FOXP2: variants seen among roughly 807,000 people sequenced by gnomAD.
FOXP2 encodes the protein forkhead box P2.
FOXP2 carries 12 observed loss-of-function variants against 115.8 expected under a neutral mutation model. The ratio of observed to expected loss-of-function variants is 0.10; its 90% CI spans 0.07 to 0.17. FOXP2 has a LOEUF of 0.17. Among genes scored for constraint, FOXP2 ranks in the 10% least tolerant of loss-of-function variants. FOXP2 has a pLI of 1.00. For missense variants in FOXP2, 629 were observed against 843.5 expected (o/e 0.75, Z 3.15); for synonymous variants, 328 against 297.7 (o/e 1.10, Z -1.05).
intron 2 of FOXP2, among the ~76,000 whole-genome samples, chr7:114,356,044 A>G (rs1791610428): frequency 6.6e-6 from 1 of 152,186 alleles, no homozygotes. Context: ...AGTTATCATT[A>G]TCTTCATCGC....
At chr7:114,133,585 C>A (rs948224131) in intron 1 of FOXP2, among the ~76,000 whole-genome samples, 5 of 152,098 alleles carry the variant, frequency 3.3e-5, no homozygotes, top group Non-Finnish European at 5.9e-5. Flanking sequence ...TGTTTGTCCC[C>A]ACGAAAACTC....
At chr7:114,342,806 A>G (rs1791248913) in intron 2 of FOXP2, among the ~76,000 whole-genome samples, 1 of 151,596 alleles carries the variant, frequency 6.6e-6, no homozygotes, top group Admixed American at 6.6e-5. Flanking sequence ...TTCTAGAGAA[A>G]TGATTAATGG....
chr7:114,315,402 C>T (rs547930178), intron 2 of FOXP2, among the ~76,000 whole-genome samples: 2 of 152,218 alleles, frequency 1.3e-5, no homozygotes, highest in South Asian at 4.1e-4. Context: ...ACTTATCAGG[C>T]TCCTCGGTTT....
chr7:114,396,796 T>C (rs1400064308), intron 2 of FOXP2, among the ~76,000 whole-genome samples: 1 of 152,048 alleles, frequency 6.6e-6, no homozygotes, highest in African/African-American at 2.4e-5. Flanking sequence ...ATTTCAAGAA[T>C]ATAATGTATT....
intron 1 of FOXP2, among the ~76,000 whole-genome samples, chr7:114,133,813 C>T (rs556854660): frequency 2.0e-5 from 3 of 152,294 alleles, no homozygotes; most frequent in South Asian, 4.1e-4. Context: ...TCCTTCAGGT[C>T]TTCCTCTCTT....
chr7:114,328,338 G>A (rs1382462637), intron 2 of FOXP2, among the ~76,000 whole-genome samples: 3 of 148,280 alleles, frequency 2.0e-5, no homozygotes, highest in Non-Finnish European at 4.4e-5. Flanking sequence ...CTGGATTCAC[G>A]CCATTCTCCT....
At chr7:114,324,760 T>C (rs1364387620) in intron 2 of FOXP2, among the ~76,000 whole-genome samples, 2 of 151,904 alleles carry the variant, frequency 1.3e-5, no homozygotes, top group Admixed American at 6.5e-5. Flanking sequence ...TTAATACGTA[T>C]TACATTTTTA....
At chr7:114,267,673 G>A (rs966713551) in intron 1 of FOXP2, among the ~76,000 whole-genome samples, 1 of 151,202 alleles carries the variant, frequency 6.6e-6, no homozygotes, top group African/African-American at 2.4e-5. Context: ...GTTGCGGTGA[G>A]CCAAGATTGT....
At chr7:114,452,075 A>C (rs1039490220) in intron 2 of FOXP2, among the ~76,000 whole-genome samples, 5 of 151,926 alleles carry the variant, frequency 3.3e-5, no homozygotes, top group Non-Finnish European at 5.9e-5. Flanking sequence ...TATTCTCTCT[A>C]TATATTCAAA....
intron 2 of FOXP2, among the ~76,000 whole-genome samples, chr7:114,336,121 AAGTGCAGCAAGTG>A (rs1797848944): frequency 6.6e-6 from 1 of 151,744 alleles, no homozygotes; most frequent in Admixed American, 6.6e-5. Context: ...CAGAATTTGG[AAGTGCAGCAAGTG>A]AGTGCTGTAA....
intron 3 of FOXP2, among the ~76,000 whole-genome samples, chr7:114,621,359 A>G (rs998143519): frequency 6.6e-6 from 1 of 152,056 alleles, no homozygotes; most frequent in African/African-American, 2.4e-5. Context: ...ATAGTTTGGG[A>G]TATTATGGTT....
intron 2 of FOXP2, among the ~76,000 whole-genome samples, chr7:114,480,658 C>T (rs552055481): frequency 2.6e-4 from 39 of 149,758 alleles, no homozygotes; most frequent in African/African-American, 7.8e-4. Context: ...TGTGTGTATA[C>T]GTATATACAT....
In FOXP2 at chr7:114,693,172, G is replaced by A. The variant is rs775054407; in HGVS notation, c.*3246G>A. 1 of 453,622 alleles carries A rather than the reference G, an allele frequency of 2.2e-6. No homozygotes were observed. The highest frequency in any genetic ancestry group is 1.6e-5 in the South Asian group (1 of 64,378). 28.1% of individuals were successfully genotyped at this position (453,622 alleles called of 1,614,324 possible). ...AAATCAATTAAAATTTTATGTGAAT[G>A]TTACAAGTATTTGGTAGAATTACCA... On this transcript the variant is annotated 3_prime_UTR_variant, in exon 17 of 17. Coordinates refer to ENST00000350908, the MANE Select transcript of FOXP2 (RefSeq NM_014491.4).
chr7:114,446,757 T>G (rs917572717), intron 2 of FOXP2, among the ~76,000 whole-genome samples: 1 of 151,282 alleles, frequency 6.6e-6, no homozygotes, highest in Non-Finnish European at 1.5e-5. Context: ...CTTTTTTTTT[T>G]TTTTTGAGAC....
At chr7:114,310,510 C>CT (rs529016127) in intron 2 of FOXP2, among the ~76,000 whole-genome samples, 8,540 of 143,704 alleles carry the variant, frequency 0.059, 457 homozygotes, top group African/African-American at 0.15. Flanking sequence ...GATTAGCTGT[C>CT]TTTTTTTTTT....
intron 2 of FOXP2, among the ~76,000 whole-genome samples, chr7:114,295,067 T>C (rs979239337): frequency 1.3e-5 from 2 of 152,182 alleles, no homozygotes; most frequent in African/African-American, 4.8e-5. Flanking sequence ...AGAGTTTATG[T>C]TTATAGTTTT....
At chr7:114,574,637 C>G (rs1282700630) in intron 3 of FOXP2, among the ~76,000 whole-genome samples, 1 of 151,906 alleles carries the variant, frequency 6.6e-6, no homozygotes, top group South Asian at 2.1e-4. Context: ...CCTGAATGAC[C>G]TCATTAACAC....
At chr7:114,473,359 G>A (rs993603035) in intron 2 of FOXP2, among the ~76,000 whole-genome samples, 4 of 152,104 alleles carry the variant, frequency 2.6e-5, no homozygotes, top group Non-Finnish European at 5.9e-5. Flanking sequence ...GGATACAGAC[G>A]CAAGAGTCTT....
intron 3 of FOXP2, among the ~76,000 whole-genome samples, chr7:114,559,136 G>A (rs1382655467): frequency 6.6e-6 from 1 of 152,128 alleles, no homozygotes; most frequent in African/African-American, 2.4e-5. Context: ...TCTCATGTCA[G>A]AAGCACCTGT....
Sources: allele counts gnomAD v4.1 joint callset (sites outside exome capture counted in the v4.1 genomes callset), GRCh38; gene constraint gnomAD v4.1.1; transcripts MANE v1.5; gene names NCBI Gene and HGNC (gene_info 2026-07-23, HGNC 2026-07-21).